The following STK33 variants were observed in gnomAD, a reference collection of about 807,000 sequenced individuals.
The protein encoded by STK33 is serine/threonine-protein kinase 33.
Under a neutral mutation model 58.0 loss-of-function variants are expected in STK33, and 52 were observed. That is an observed-to-expected ratio of 0.90 (90% CI 0.72 to 1.13). The LOEUF is 1.13. Ranked by LOEUF, STK33 falls within the 50% of genes most tolerant of loss-of-function variation. The pLI, the probability that STK33 is intolerant of heterozygous loss-of-function variation, is 0.00. For synonymous variants in STK33, 215 were observed against 200.1 expected (o/e 1.07, Z -0.63); for missense variants, 630 against 604.2 (o/e 1.04, Z -0.45).
At chr11:8,348,343 C>T in the STK33 span, among the ~76,000 whole-genome samples, 2 of 152,200 alleles carry the variant, frequency 1.3e-5, no homozygotes, top group East Asian at 3.9e-4. Flanking sequence ...GACTTACAAT[C>T]TTGGCGGAAG....
chr11:8,384,341 T>C, the STK33 span, among the ~76,000 whole-genome samples: 1 of 152,198 alleles, frequency 6.6e-6, no homozygotes, highest in East Asian at 1.9e-4. Flanking sequence ...ACCATGGTCT[T>C]GCGGTAATGC....
chr11:8,513,456 C>T (rs1952505649), intron 1 of STK33, among the ~76,000 whole-genome samples: 1 of 152,250 alleles, frequency 6.6e-6, no homozygotes, highest in African/African-American at 2.4e-5. Flanking sequence ...GTCTATAGTG[C>T]TACTGATATT....
chr11:8,355,774 A>G, the STK33 span, among the ~76,000 whole-genome samples: 1 of 152,226 alleles, frequency 6.6e-6, no homozygotes, highest in Non-Finnish European at 1.5e-5. Context: ...AGGGTTACTG[A>G]GAGGGTTGAA....
chr11:8,534,708 T>C (rs920135982), intron 1 of STK33, among the ~76,000 whole-genome samples: 1 of 151,944 alleles, frequency 6.6e-6, no homozygotes, highest in Non-Finnish European at 1.5e-5. Context: ...TAAATCATCA[T>C]CCATTGAAAA....
intron 1 of STK33, among the ~76,000 whole-genome samples, chr11:8,570,551 G>A (rs539997273): frequency 1.3e-5 from 2 of 152,226 alleles, no homozygotes; most frequent in South Asian, 4.2e-4. Context: ...AATCGATGGT[G>A]GTATACCCAC....
chr11:8,376,635 G>A, the STK33 span, among the ~76,000 whole-genome samples: 4 of 151,824 alleles, frequency 2.6e-5, no homozygotes, highest in African/African-American at 4.8e-5. Context: ...TCTGCCTCCC[G>A]GGTTCAAGTG....
intron 1 of STK33, among the ~76,000 whole-genome samples, chr11:8,531,859 A>G (rs536729065): frequency 6.6e-6 from 1 of 152,364 alleles, no homozygotes; most frequent in Admixed American, 6.5e-5. Flanking sequence ...CCACAGCAAC[A>G]AATATGAAGC....
chr11:8,454,710 A>G (rs1013185093), intron 10 of STK33, 34 bp downstream of exon 10: 4 of 1,545,388 alleles, frequency 2.6e-6, no homozygotes, highest in Non-Finnish European at 3.5e-6. Context: ...CAAACTGTTT[A>G]CAGGCAAATA....
intron 8 of STK33, among the ~76,000 whole-genome samples, chr11:8,457,975 A>G (rs539209591): frequency 1.3e-5 from 2 of 152,194 alleles, no homozygotes; most frequent in East Asian, 3.8e-4. Flanking sequence ...GTGAGGAGTG[A>G]GGCTAGAAAG....
chr11:8,413,992 C>A (rs917088745), intron 14 of STK33, among the ~76,000 whole-genome samples: 9 of 152,218 alleles, frequency 5.9e-5, no homozygotes, highest in Admixed American at 5.2e-4. Context: ...TTTCCTGGAA[C>A]CCAAATACCC....
the STK33 span, among the ~76,000 whole-genome samples, chr11:8,346,560 G>C: frequency 1.3e-5 from 2 of 152,232 alleles, no homozygotes; most frequent in African/African-American, 4.8e-5. Flanking sequence ...AGAAAGGTGG[G>C]GCAGGATATC....
At chr11:8,464,618 G>A in intron 7 of STK33, 91 bp downstream of exon 7, 3 of 833,734 alleles carry the variant, frequency 3.6e-6, no homozygotes, top group Non-Finnish European at 5.7e-6. Flanking sequence ...CAGGGTGAGA[G>A]GCAGCTTGTG....
At chr11:8,346,699 G>A in the STK33 span, among the ~76,000 whole-genome samples, 45,612 of 152,028 alleles carry the variant, frequency 0.3, 7,247 homozygotes, top group South Asian at 0.41. Flanking sequence ...GCTACATGAG[G>A]CGGCCTCCTC....
rs140349792 is a variant in STK33 at position 8,413,553 on chromosome 11, T to G, written c.1286A>C (p.Gln429Pro). Residue 429 changes from glutamine to proline, a missense_variant, in exon 15 of 16, where the codon CAA becomes CCA. By Grantham distance (76) the Gln-to-Pro change is moderately conservative (BLOSUM62 -1). Transcript: ENST00000687296. ...GGCATCAGGGACATTTCCCCAGGGT[T>G]GGTAACTTTTCAACTTTTCTTCAGT... ...PSTEEKLKSY[Q>P]PWGNVPDANY... 965 of 1,614,088 alleles carry G rather than the reference T, an allele frequency of 6.0e-4. 1 individual carries two copies. Among genetic ancestry groups the G allele is most frequent in the Non-Finnish European group, 7.8e-4 (924 of 1,179,968 alleles).
chr11:8,385,270 C>A, the STK33 span, among the ~76,000 whole-genome samples: 1 of 152,250 alleles, frequency 6.6e-6, no homozygotes, highest in South Asian at 2.1e-4. Context: ...AGAAGACAAA[C>A]GGATCCTTTA....
intron 1 of STK33, among the ~76,000 whole-genome samples, chr11:8,565,025 G>C (rs959335723): frequency 1.3e-5 from 2 of 152,182 alleles, no homozygotes; most frequent in African/African-American, 4.8e-5. Flanking sequence ...CTTCCTTTTA[G>C]GTTTGCCCAC....
chr11:8,553,201 GTATATA>G (rs60137762), intron 1 of STK33, among the ~76,000 whole-genome samples: 11 of 61,134 alleles, frequency 1.8e-4, no homozygotes, highest in East Asian at 4.8e-4. Context: ...TATATATGGT[GTATATA>G]TATATATATA....
At chr11:8,471,888 G>A (rs1030851172) in intron 6 of STK33, among the ~76,000 whole-genome samples, 1 of 151,932 alleles carries the variant, frequency 6.6e-6, no homozygotes, top group African/African-American at 2.4e-5. Flanking sequence ...AACATATTTT[G>A]CTTTTATAAA....
chr11:8,379,400 C>T, the STK33 span, among the ~76,000 whole-genome samples: 15 of 151,946 alleles, frequency 9.9e-5, 1 homozygote, highest in Admixed American at 8.5e-4. Context: ...ATGCATCAAA[C>T]GAAGAACTAA....
Sources: allele counts gnomAD v4.1 joint callset (sites outside exome capture counted in the v4.1 genomes callset), GRCh38; gene constraint gnomAD v4.1.1; transcripts MANE v1.5; gene names NCBI Gene and HGNC (gene_info 2026-07-23, HGNC 2026-07-21).